Variants in UTS2B observed in about 807,000 individuals in gnomAD.
UTS2B encodes urotensin 2B.
A neutral mutation model predicts 19.2 loss-of-function variants in UTS2B; 21 were observed. The ratio of observed to expected loss-of-function variants is 1.09; its 90% CI spans 0.78 to 1.58. The LOEUF (loss-of-function observed/expected upper bound fraction) is 1.58, where lower values mean the gene tolerates loss of function less well. Ranked by LOEUF, UTS2B falls within the 40% of genes most tolerant of loss-of-function variation. The probability of loss-of-function intolerance (pLI) is 0.00; values close to 1 mark genes in which losing one functional copy is unlikely to be tolerated. For missense variants in UTS2B, 138 were observed against 130.3 expected (o/e 1.06, Z -0.29); for synonymous variants, 57 against 50.2 (o/e 1.14, Z -0.58).
At chr3:191,284,896 A>G (rs1716492340) in intron 4 of UTS2B, among the ~76,000 whole-genome samples, 1 of 152,160 alleles carries the variant, frequency 6.6e-6, no homozygotes, top group Non-Finnish European at 1.5e-5. Context: ...GCAAAAGCTG[A>G]AGGAATTCAT....
chr3:191,291,867 A>C (rs1289557985), intron 4 of UTS2B, among the ~76,000 whole-genome samples: 3 of 152,132 alleles, frequency 2.0e-5, no homozygotes, highest in African/African-American at 7.2e-5. Context: ...TTAGAAGATA[A>C]TTCTTTCCCC....
intron 8 of UTS2B, among the ~76,000 whole-genome samples, chr3:191,269,577 G>A (rs576566396): frequency 6.6e-6 from 1 of 151,488 alleles, no homozygotes; most frequent in African/African-American, 2.4e-5. Context: ...GCTATTCACA[G>A]GCATGATCAT....
chr3:191,342,311 CTAAAG>C, the UTS2B span, among the ~76,000 whole-genome samples: 1 of 152,062 alleles, frequency 6.6e-6, no homozygotes, highest in Non-Finnish European at 1.5e-5. Flanking sequence ...ATGACTCTAT[CTAAAG>C]TAAAGTTGTT....
At chr3:191,297,639 TG>T (rs954565548) in intron 4 of UTS2B, among the ~76,000 whole-genome samples, 10 of 145,264 alleles carry the variant, frequency 6.9e-5, no homozygotes, top group African/African-American at 2.6e-4. Context: ...CTGGGTGGCC[TG>T]AGGACAAGGA....
intron 4 of UTS2B, among the ~76,000 whole-genome samples, chr3:191,302,383 C>A (rs891232302): frequency 4.6e-5 from 7 of 152,174 alleles, no homozygotes; most frequent in African/African-American, 1.7e-4. Context: ...TAAGAAATAA[C>A]CATAAACACA....
At chr3:191,329,959 A>C (rs1369209160) in intron 1 of UTS2B, among the ~76,000 whole-genome samples, 3 of 135,476 alleles carry the variant, frequency 2.2e-5, no homozygotes, top group Admixed American at 1.5e-4. Flanking sequence ...GGGGGGGGCT[A>C]GCAGCAGCCC....
At chr3:191,313,670 C>G (rs1717364413) in intron 3 of UTS2B, among the ~76,000 whole-genome samples, 2 of 150,530 alleles carry the variant, frequency 1.3e-5, no homozygotes, top group Non-Finnish European at 3.0e-5. Context: ...TTTACATAGA[C>G]AAGACCCCTA....
At chr3:191,344,033 T>C in the UTS2B span, among the ~76,000 whole-genome samples, 2 of 152,232 alleles carry the variant, frequency 1.3e-5, no homozygotes, top group Non-Finnish European at 2.9e-5. Context: ...AGGAGAAATG[T>C]AAATATGCGA....
chr3:191,293,002 T>A (rs1311310579), intron 4 of UTS2B, among the ~76,000 whole-genome samples: 1 of 146,600 alleles, frequency 6.8e-6, no homozygotes, highest in Non-Finnish European at 1.5e-5. Context: ...GACCTCGTCT[T>A]AAAAAAAAAA....
intron 8 of UTS2B, among the ~76,000 whole-genome samples, chr3:191,270,761 T>G (rs1436884192): frequency 6.6e-6 from 1 of 152,214 alleles, no homozygotes; most frequent in East Asian, 1.9e-4. Flanking sequence ...CTCATTTTAC[T>G]GGATCTATCA....
intron 1 of UTS2B, among the ~76,000 whole-genome samples, chr3:191,329,916 A>G (rs985777478): frequency 8.6e-5 from 10 of 116,484 alleles, no homozygotes; most frequent in Non-Finnish European, 1.7e-4. Context: ...CGACGTTCCA[A>G]GCCCGTTTTT....
intron 3 of UTS2B, among the ~76,000 whole-genome samples, chr3:191,306,165 C>T (rs988015575): frequency 6.6e-6 from 1 of 152,094 alleles, no homozygotes; most frequent in East Asian, 1.9e-4. Context: ...TTTCTGCTTC[C>T]ATGTGAATTT....
chr3:191,284,330 T>C (rs189847019), intron 4 of UTS2B, among the ~76,000 whole-genome samples: 225 of 152,156 alleles, frequency 1.5e-3, no homozygotes, highest in African/African-American at 5.2e-3. Context: ...TCTTTTCTTT[T>C]CCTTTTTTTA....
At chr3:191,288,895 A>C (rs1716629326) in intron 4 of UTS2B, among the ~76,000 whole-genome samples, 1 of 148,164 alleles carries the variant, frequency 6.7e-6, no homozygotes, top group African/African-American at 2.4e-5. Flanking sequence ...TTGAGATACG[A>C]TTCCAAAGCA....
rs537806772 is a variant in UTS2B, at chr3:191,273,789, G to A, written c.334+1463C>T. 8.5e-5 allele frequency among the ~76,000 whole-genome samples: 13 copies of A among 152,278 alleles called. No homozygotes were observed. The South Asian group carries it at 2.7e-3, about 32-fold the overall frequency. On this transcript the variant is annotated intron_variant, in intron 8 of 8. Coordinates refer to ENST00000340524, the MANE Select transcript of UTS2B (RefSeq NM_198152.5). ...AAACAGAAACTGTCCTTTGTTCCTA[G>A]TTGCTCAAAACAAAATCCTTGGAGT...
chr3:191,281,701 A>G, intron 5 of UTS2B, among the ~76,000 whole-genome samples: 1 of 79,278 alleles, frequency 1.3e-5, no homozygotes, highest in East Asian at 4.2e-4. Context: ...ATAGTCTTGT[A>G]AGATGAAAAT....
At chr3:191,328,541 T>G (rs6789787) in intron 2 of UTS2B, 90 bp downstream of exon 2, 39,676 of 152,168 alleles carry the variant, frequency 0.26, 6,469 homozygotes, top group East Asian at 0.52. Flanking sequence ...CAGCCACCCT[T>G]CGATGAACCC....
intron 4 of UTS2B, among the ~76,000 whole-genome samples, chr3:191,288,310 A>G (rs1171080510): frequency 1.3e-5 from 2 of 152,224 alleles, no homozygotes; most frequent in Non-Finnish European, 2.9e-5. Context: ...AGAAGATCCC[A>G]AATAGCCAAA....
At chr3:191,329,896 G>A (rs997758477) in intron 1 of UTS2B, among the ~76,000 whole-genome samples, 1 of 147,488 alleles carries the variant, frequency 6.8e-6, no homozygotes, top group Non-Finnish European at 1.5e-5. Context: ...TGGGACGTTG[G>A]GCAAGTCTCC....
Sources: gnomAD v4.1 joint callset for allele counts (sites outside exome capture counted in the v4.1 genomes callset) on GRCh38, gnomAD v4.1.1 for gene constraint, MANE v1.5 for transcripts, NCBI Gene and HGNC (gene_info 2026-07-23, HGNC 2026-07-21) for gene names.